Variants in FAM180A observed in about 807,000 individuals in gnomAD.
FAM180A encodes family with sequence similarity 180 member A, also known as protein FAM180A.
A neutral mutation model predicts 15.3 loss-of-function variants in FAM180A; 14 were observed. The observed-to-expected ratio is 0.92, with a 90% confidence interval of 0.61 to 1.43. FAM180A has a LOEUF of 1.43. Ranked by LOEUF, FAM180A falls within the 40% of genes most tolerant of loss-of-function variation. The pLI is 0.00. For missense variants in FAM180A, 200 were observed against 220.8 expected (o/e 0.91, Z 0.60); for synonymous variants, 90 against 96.8 (o/e 0.93, Z 0.41).
intron 2 of FAM180A, among the ~76,000 whole-genome samples, chr7:135,735,224 G>A (rs1383862190): frequency 6.6e-6 from 1 of 152,164 alleles, no homozygotes; most frequent in Non-Finnish European, 1.5e-5. Context: ...TTTTCTAACT[G>A]ATTCTTCTTG....
chr7:135,746,523 C>A lies in FAM180A; in HGVS notation c.76+1982G>T, dbSNP rs147405292. On this transcript the variant is annotated intron_variant, in intron 1 of 3. Transcript: ENST00000338588. Reference sequence around the variant, plus strand: ...GATGGAACTTAAACCAGGACCCTTGCAGAGTAGCTCATGATGTGGCTATCG... The same window carrying A: ...GATGGAACTTAAACCAGGACCCTTGAAGAGTAGCTCATGATGTGGCTATCG... Among the ~76,000 whole-genome samples, 87 of 152,290 alleles carry A rather than the reference C, an allele frequency of 5.7e-4. No individual in the cohort carries two copies. In the Middle Eastern group the frequency reaches 0.017, roughly 30 times the overall value.
At chr7:135,745,505 G>C (rs1234753247) in intron 1 of FAM180A, among the ~76,000 whole-genome samples, 1 of 151,054 alleles carries the variant, frequency 6.6e-6, no homozygotes, top group Non-Finnish European at 1.5e-5. Flanking sequence ...GTGTGTGTAT[G>C]TGTGTGTGTG....
At chr7:135,747,145 A>G (rs910910428) in intron 1 of FAM180A, among the ~76,000 whole-genome samples, 9 of 152,156 alleles carry the variant, frequency 5.9e-5, no homozygotes, top group Non-Finnish European at 1.3e-4. Flanking sequence ...AAGTAACTAA[A>G]AGGGTATCAC....
At chr7:135,735,731 C>A (rs1796860436) in intron 2 of FAM180A, among the ~76,000 whole-genome samples, 1 of 152,184 alleles carries the variant, frequency 6.6e-6, no homozygotes, top group Admixed American at 6.5e-5. Context: ...GAGATGGAGT[C>A]TCGCTCTGTC....
At chr7:135,735,947 C>T (rs1796863856) in intron 2 of FAM180A, among the ~76,000 whole-genome samples, 1 of 151,750 alleles carries the variant, frequency 6.6e-6, no homozygotes, top group African/African-American at 2.4e-5. Flanking sequence ...AGGTGATCCA[C>T]CTGCCTCGGC....
intron 3 of FAM180A, among the ~76,000 whole-genome samples, chr7:135,730,539 A>G (rs1319429966): frequency 6.6e-6 from 1 of 152,194 alleles, no homozygotes; most frequent in East Asian, 1.9e-4. Context: ...AAACAAACAA[A>G]AACAAAACAA....
At position 135,733,855 on chromosome 7, in the gene FAM180A, TGCTGCTCTGTGTCA is replaced by T. The variant is rs1796828214; in HGVS notation, c.*106_*119del. Reference sequence around the variant, plus strand: ...AGCATCGGGGTTACTGTTTGATCTCTGCTGCTCTGTGTCAGCGGTAAGAGTTTTGTTGCTGGTCT... The same window carrying T: ...AGCATCGGGGTTACTGTTTGATCTCTGCGGTAAGAGTTTTGTTGCTGGTCT... On this transcript the variant is annotated 3_prime_UTR_variant, in exon 3 of 4. Coordinates refer to ENST00000338588, the MANE Select transcript of FAM180A (RefSeq NM_205855.4). The T allele has an allele frequency of 1.4e-6, 2 of 1,437,090 alleles. No homozygotes were observed. Among genetic ancestry groups the T allele is most frequent in the East Asian group, 5.0e-5 (2 of 39,942 alleles). The allele number at this position is 1,437,090 out of a possible 1,614,324, so 89.0% of individuals were successfully genotyped here. A position where few individuals can be genotyped will look rare whatever the true frequency, so the allele number is the denominator to read the frequency against.
chr7:135,733,958 TG>T lies in FAM180A; in HGVS notation c.*16del, dbSNP rs1428800212. 1 of 1,568,020 alleles carries T rather than the reference TG, an allele frequency of 6.4e-7. No individual in the cohort carries two copies. Among genetic ancestry groups the T allele is most frequent in the African/African-American group, 1.4e-5 (1 of 73,812 alleles). Reference sequence around the variant, plus strand: ...TGTGCTGGTCCCTGCTCTGAGGTCCTGGTGTGGGCCAGTCTCTCAGGGAGGT... The same window carrying T: ...TGTGCTGGTCCCTGCTCTGAGGTCCTGTGTGGGCCAGTCTCTCAGGGAGGT... On this transcript the variant is annotated 3_prime_UTR_variant, in exon 3 of 4. Transcript: ENST00000338588.
rs1796760286 is a variant in FAM180A at position 135,730,103 on chromosome 7, G to A, written c.*508C>T. On this transcript the variant is annotated 3_prime_UTR_variant, in exon 4 of 4. Coordinates refer to ENST00000338588, the MANE Select transcript of FAM180A (RefSeq NM_205855.4). Reference sequence around the variant, plus strand: ...ACAAGCATTTGATTTTAGACCATTGGACCTGCAGAAATACTTTGATTTGTT... The same window carrying A: ...ACAAGCATTTGATTTTAGACCATTGAACCTGCAGAAATACTTTGATTTGTT... The A allele has an allele frequency of 2.0e-6, 2 of 985,292 alleles. No individual in the cohort carries two copies. The highest frequency in any genetic ancestry group is 2.4e-6 in the Non-Finnish European group (2 of 829,940). 61.0% of individuals were successfully genotyped at this position (985,292 alleles called of 1,614,324 possible). A position where few individuals can be genotyped will look rare whatever the true frequency, so the allele number is the denominator to read the frequency against.
intron 2 of FAM180A, among the ~76,000 whole-genome samples, chr7:135,735,324 C>T (rs1796855778): frequency 6.6e-6 from 1 of 152,164 alleles, no homozygotes; most frequent in African/African-American, 2.4e-5. Context: ...TACTATAGGA[C>T]CTCTGGAAAA....
chr7:135,735,905 G>A (rs930061524), intron 2 of FAM180A, among the ~76,000 whole-genome samples: 2 of 151,942 alleles, frequency 1.3e-5, no homozygotes, highest in African/African-American at 4.8e-5. Context: ...GTTTCACCAT[G>A]TTGGCCAGGC....
chr7:135,736,769 G>A (rs1563179261), intron 2 of FAM180A, among the ~76,000 whole-genome samples: 1 of 152,236 alleles, frequency 6.6e-6, no homozygotes, highest in Non-Finnish European at 1.5e-5. Flanking sequence ...GGCAAGTCCT[G>A]CCTCAAGGCC....
chr7:135,748,626 C>T lies in FAM180A; in HGVS notation c.-46G>A, dbSNP rs189406720. The T allele has an allele frequency of 6.9e-7, 1 of 1,442,568 alleles. No homozygotes were observed. Among genetic ancestry groups the T allele is most frequent in the Non-Finnish European group, 9.8e-7 (1 of 1,023,848 alleles). 89.4% of individuals were successfully genotyped at this position (1,442,568 alleles called of 1,614,324 possible). A position where few individuals can be genotyped will look rare whatever the true frequency, so the allele number is the denominator to read the frequency against. ...AAATCGACCCTCAAGCCCAGTGGAA[C>T]CCCAGTAGCTGCAGGTATGCCCGTG... is the stretch of plus-strand genomic sequence containing the variant. On this transcript the variant is annotated 5_prime_UTR_variant, in exon 1 of 4. Coordinates refer to ENST00000338588, the MANE Select transcript of FAM180A (RefSeq NM_205855.4).
chr7:135,738,776 C>A (rs569580237), intron 1 of FAM180A, among the ~76,000 whole-genome samples: 1 of 152,180 alleles, frequency 6.6e-6, no homozygotes, highest in African/African-American at 2.4e-5. Context: ...AGGCACTGTG[C>A]AGAAATGATC....
chr7:135,748,553 G>C lies in FAM180A; in HGVS notation c.28C>G (p.Leu10Val), dbSNP rs749804984. ...GAAGCCTCAGCATTGTAATACAACA[G>C]CAGAAGCAGCAACATCTTCCAATGC... MHWKMLLLL[L>V]LYYNAEASMC... The change falls in exon 1 of 4, where the codon CTG becomes GTG. Residue 10 changes from leucine (L) to valine (V), a missense_variant. Transcript: ENST00000338588. 2.5e-6 allele frequency: 4 copies of C among 1,614,128 alleles called. No homozygotes were observed. In the East Asian group the frequency reaches 6.7e-5, roughly 27 times the overall value.
At chr7:135,735,618 T>G (rs192077301) in intron 2 of FAM180A, among the ~76,000 whole-genome samples, 7 of 152,360 alleles carry the variant, frequency 4.6e-5, no homozygotes, top group Admixed American at 4.6e-4. Context: ...AGGCAAAGAC[T>G]CTGCATTTCC....
rs912267629 is a variant in FAM180A, at chr7:135,744,143, G to T, written c.76+4362C>A. On this transcript the variant is annotated intron_variant, in intron 1 of 3. Transcript: ENST00000338588. Reference sequence around the variant, plus strand: ...GACAAACAGCCAGAGGCACTCCAATGGAGTAGCCTGCCTTTGTTTGGCAGC... The same window carrying T: ...GACAAACAGCCAGAGGCACTCCAATTGAGTAGCCTGCCTTTGTTTGGCAGC... Among the ~76,000 whole-genome samples the T allele has an allele frequency of 5.3e-5, 8 of 152,300 alleles. No homozygotes were observed. In the East Asian group the frequency reaches 1.5e-3, roughly 29 times the overall value.
chr7:135,739,777 TTATTATAG>T (rs2129496098), intron 1 of FAM180A, among the ~76,000 whole-genome samples: 1 of 152,168 alleles, frequency 6.6e-6, no homozygotes, highest in East Asian at 1.9e-4. Flanking sequence ...CCTGATGGGC[TTATTATAG>T]TATTGCTGTA....
At chr7:135,732,518 A>G (rs902362861) in intron 3 of FAM180A, among the ~76,000 whole-genome samples, 1 of 152,098 alleles carries the variant, frequency 6.6e-6, no homozygotes, top group African/African-American at 2.4e-5. Context: ...CATGGCGAAA[A>G]ACTGTCTCTA....
Sources: gnomAD v4.1 joint callset for allele counts (sites outside exome capture counted in the v4.1 genomes callset) on GRCh38, gnomAD v4.1.1 for gene constraint, MANE v1.5 for transcripts, NCBI Gene and HGNC (gene_info 2026-07-23, HGNC 2026-07-21) for gene names.